The following ST7 variants were observed in gnomAD, a reference collection of about 807,000 sequenced individuals.
The protein encoded by ST7 is suppression of tumorigenicity 7, also known as suppressor of tumorigenicity 7 protein.
ST7 carries 28 observed loss-of-function variants against 78.7 expected under a neutral mutation model. The ratio of observed to expected loss-of-function variants is 0.36; its 90% CI spans 0.26 to 0.49. The LOEUF (loss-of-function observed/expected upper bound fraction) is 0.49. Among genes scored for constraint, ST7 ranks in the 20% least tolerant of loss-of-function variants. The probability of loss-of-function intolerance (pLI) is 0.99; values close to 1 mark genes in which losing one functional copy is unlikely to be tolerated. For synonymous variants in ST7, 247 were observed against 249.6 expected (o/e 0.99, Z 0.10); for missense variants, 418 against 696.0 (o/e 0.60, Z 4.49).
chr7:117,175,081 T>A (rs1428216160), intron 10 of ST7, among the ~76,000 whole-genome samples: 1 of 152,254 alleles, frequency 6.6e-6, no homozygotes, highest in Admixed American at 6.5e-5. Context: ...CTATATTTGC[T>A]TGTCTTTCTG....
chr7:117,013,711 C>A (rs558900556), intron 1 of ST7, among the ~76,000 whole-genome samples: 5 of 152,152 alleles, frequency 3.3e-5, no homozygotes, highest in Admixed American at 3.3e-4. Context: ...GCCTGTAGTC[C>A]CAGCTACTCT....
chr7:117,105,463 G>T (rs1278135500), intron 2 of ST7, among the ~76,000 whole-genome samples: 1 of 152,164 alleles, frequency 6.6e-6, no homozygotes, highest in African/African-American at 2.4e-5. Context: ...AAAATTGTTT[G>T]TAGAGATGGA....
At chr7:117,007,946 C>T (rs1006253199) in intron 1 of ST7, among the ~76,000 whole-genome samples, 4 of 152,150 alleles carry the variant, frequency 2.6e-5, no homozygotes, top group Admixed American at 6.5e-5. Flanking sequence ...TACATTTTCT[C>T]TTAGAATCAC....
At chr7:117,083,160 A>G (rs1345760709) in intron 1 of ST7, among the ~76,000 whole-genome samples, 2 of 151,378 alleles carry the variant, frequency 1.3e-5, no homozygotes, top group African/African-American at 4.9e-5. Context: ...CCCAGTTTCA[A>G]GCGATTCTCT....
intron 1 of ST7, among the ~76,000 whole-genome samples, chr7:117,037,934 GT>G (rs1796983619): frequency 6.6e-6 from 1 of 152,136 alleles, no homozygotes; most frequent in African/African-American, 2.4e-5. Context: ...GATATAAGCT[GT>G]GTTCTTTAAA....
At chr7:117,047,493 A>G (rs550859476) in intron 1 of ST7, among the ~76,000 whole-genome samples, 1 of 152,332 alleles carries the variant, frequency 6.6e-6, no homozygotes. Flanking sequence ...AATTATATTT[A>G]GAGAGTCCTC....
At chr7:117,039,840 C>A (rs1383787957) in intron 1 of ST7, among the ~76,000 whole-genome samples, 6 of 152,120 alleles carry the variant, frequency 3.9e-5, no homozygotes, top group Non-Finnish European at 7.3e-5. Context: ...CATTCTGGGC[C>A]AGTTATCCCA....
At chr7:117,049,075 G>A (rs1232045362) in intron 1 of ST7, among the ~76,000 whole-genome samples, 1 of 152,192 alleles carries the variant, frequency 6.6e-6, no homozygotes, top group Non-Finnish European at 1.5e-5. Context: ...CCTTCTTGTT[G>A]TAAAGTTAAA....
intron 9 of ST7, among the ~76,000 whole-genome samples, chr7:117,141,093 C>G (rs1352533795): frequency 6.6e-6 from 1 of 152,184 alleles, no homozygotes; most frequent in Non-Finnish European, 1.5e-5. Flanking sequence ...AACCATTTTG[C>G]TGGAAGACTT....
chr7:117,148,578 T>C (rs1169611941), intron 9 of ST7, among the ~76,000 whole-genome samples: 2 of 152,208 alleles, frequency 1.3e-5, no homozygotes, highest in Non-Finnish European at 2.9e-5. Flanking sequence ...TTCTCTCCCA[T>C]TGAAAATATC....
At chr7:117,020,442 A>G in intron 1 of ST7, 1 of 716,220 alleles carries the variant, frequency 1.4e-6, no homozygotes, top group East Asian at 2.8e-5. Flanking sequence ...TAACAGGAGA[A>G]TCTGGCAGCT....
intron 2 of ST7, among the ~76,000 whole-genome samples, chr7:117,117,299 A>G (rs893201550): frequency 2.0e-5 from 3 of 152,178 alleles, no homozygotes; most frequent in Middle Eastern, 3.2e-3. Flanking sequence ...GCATGCCAGG[A>G]GCCTGTGAGA....
chr7:117,149,155 G>A (rs1806045610), intron 9 of ST7, among the ~76,000 whole-genome samples: 1 of 152,024 alleles, frequency 6.6e-6, no homozygotes, highest in African/African-American at 2.4e-5. Context: ...CTTGGGCCTG[G>A]GGAAGTTACC....
chr7:116,996,043 C>T (rs540557380), intron 1 of ST7, among the ~76,000 whole-genome samples: 6 of 150,742 alleles, frequency 4.0e-5, no homozygotes, highest in Admixed American at 3.3e-4. Context: ...ATGTGTCTTC[C>T]ACTTTTTGGT....
rs201673925 is a variant in ST7, at chr7:117,190,903, T to C, written c.1221T>C (p.His407=). The change falls in exon 12 of 16, where the codon CAT becomes CAC. Residue 407 remains histidine (H), a synonymous_variant. Coordinates refer to ENST00000323984, the MANE Select transcript of ST7 (RefSeq NM_001369598.1). This position sits in a 1 kb window ranked among gnomAD's most constrained non-coding sequence, Gnocchi z 5.2. ...AGATGAATGCAGTAGAGGCCATTCA[T>C]AGAGCTGTGGAATTCAATCCTCATG... ...TAEMNAVEAI[H]RAVEFNPHVP... The C allele has an allele frequency of 3.1e-6, 5 of 1,613,988 alleles. No individual in the cohort carries two copies. Among genetic ancestry groups the C allele is most frequent in the Middle Eastern group, 1.6e-4 (1 of 6,084 alleles).
At chr7:116,972,839 C>T in intron 1 of ST7, 2 of 1,122,096 alleles carry the variant, frequency 1.8e-6, no homozygotes, top group Non-Finnish European at 2.7e-6. Flanking sequence ...GCTCGCTCCT[C>T]TGCATCATCT....
chr7:117,159,241 G>A (rs139423619), intron 9 of ST7, among the ~76,000 whole-genome samples: 71 of 152,194 alleles, frequency 4.7e-4, no homozygotes, highest in Non-Finnish European at 9.6e-4. Context: ...TCCCATTTGA[G>A]CTCATAAATG....
chr7:117,129,930 AG>A lies in ST7; in HGVS notation c.449+87del, dbSNP rs1052355694. 7.2e-6 allele frequency: 8 copies of A among 1,109,672 alleles called. No homozygotes were observed. In the African/African-American group the frequency reaches 1.1e-4, roughly 15 times the overall value. The allele number at this position is 1,109,672 out of a possible 1,614,324, so 68.7% of individuals were successfully genotyped here. On this transcript the variant is annotated intron_variant, in intron 4 of 15. Transcript: ENST00000323984. Reference sequence around the variant, plus strand: ...AGCAAATGTTTTTGCTGGTTCATTTAGGGGTCATTGTAACAGTCTATGTAGT... The same window carrying A: ...AGCAAATGTTTTTGCTGGTTCATTTAGGGTCATTGTAACAGTCTATGTAGT...
At position 117,151,384 on chromosome 7, in the gene ST7, T is replaced by C. The variant is rs1806235435; in HGVS notation, c.963+12852T>C. Among the ~76,000 whole-genome samples, 3 of 152,180 alleles carry C rather than the reference T, an allele frequency of 2.0e-5. No homozygotes were observed. In the South Asian group the frequency reaches 6.2e-4, roughly 32 times the overall value. ...GAGTGTGCCAAGCTTGCTTGATCCT[T>C]TCTTAGGACCTTTGCACAGGAATAG... On this transcript the variant is annotated intron_variant, in intron 9 of 15. Transcript: ENST00000323984.
Sources: allele counts gnomAD v4.1 joint callset (sites outside exome capture counted in the v4.1 genomes callset), GRCh38; gene constraint gnomAD v4.1.1; non-coding constraint Gnocchi (gnomAD v3.1); transcripts MANE v1.5; gene names NCBI Gene and HGNC (gene_info 2026-07-23, HGNC 2026-07-21).